Variants in SLC9A7 observed in about 807,000 individuals in gnomAD.
SLC9A7 encodes sodium/hydrogen exchanger 7.
Under a neutral mutation model 52.6 loss-of-function variants are expected in SLC9A7, and 19 were observed. That is an observed-to-expected ratio of 0.36 (90% CI 0.25 to 0.53). The LOEUF (loss-of-function observed/expected upper bound fraction) is 0.53, where lower values mean the gene tolerates loss of function less well. SLC9A7 is among the 20% of genes least tolerant of loss of function. SLC9A7 has a pLI of 0.91. For missense variants in SLC9A7, 455 were observed against 597.9 expected (o/e 0.76, Z 2.49); for synonymous variants, 226 against 252.1 (o/e 0.90, Z 0.98).
At chrX:46,686,422 T>G (rs1944296625) in intron 1 of SLC9A7, among the ~76,000 whole-genome samples, 1 of 111,992 alleles carries the variant, frequency 8.9e-6, no homozygotes, top group Non-Finnish European at 1.9e-5. Context: ...TGATATTAAG[T>G]TCATATTTGG....
At chrX:46,705,728 C>T (rs1944594538) in intron 1 of SLC9A7, among the ~76,000 whole-genome samples, 2 of 111,546 alleles carry the variant, frequency 1.8e-5, no homozygotes, top group African/African-American at 6.5e-5. Flanking sequence ...TCCATCTACT[C>T]GGGAGACCGA....
At chrX:46,688,228 T>C (rs1944326370) in intron 1 of SLC9A7, among the ~76,000 whole-genome samples, 1 of 111,906 alleles carries the variant, frequency 8.9e-6, no homozygotes, top group South Asian at 3.7e-4. Flanking sequence ...TAAATCTATG[T>C]TTAATATTTT....
At chrX:46,608,070 C>G (rs5906246) in intron 16 of SLC9A7, among the ~76,000 whole-genome samples, 27,744 of 111,598 alleles carry the variant, frequency 0.25, 2,718 homozygotes, top group Middle Eastern at 0.37. Context: ...TGAGACAGAG[C>G]CTCCAGGGCG....
chrX:46,744,841 T>C (rs765831988), intron 1 of SLC9A7, among the ~76,000 whole-genome samples: 7 of 111,455 alleles, frequency 6.3e-5, no homozygotes, highest in Non-Finnish European at 9.4e-5. Context: ...CACAGAAACA[T>C]TGAAGAACAA....
chrX:46,644,839 G>A (rs1206066323), intron 11 of SLC9A7, among the ~76,000 whole-genome samples: 1 of 111,587 alleles, frequency 9.0e-6, no homozygotes, highest in Non-Finnish European at 1.9e-5. Flanking sequence ...CTAAAGAAGA[G>A]TGACATCAAT....
chrX:46,702,022 A>G (rs1233037397), intron 1 of SLC9A7, among the ~76,000 whole-genome samples: 1 of 111,315 alleles, frequency 9.0e-6, no homozygotes, highest in Non-Finnish European at 1.9e-5. Context: ...TTAGAGTAGT[A>G]TTACAGATAT....
At chrX:46,708,529 C>CAA (rs1248029701) in intron 1 of SLC9A7, among the ~76,000 whole-genome samples, 1 of 85,239 alleles carries the variant, frequency 1.2e-5, no homozygotes, top group African/African-American at 4.3e-5. Flanking sequence ...GACTCCGTCT[C>CAA]AAAAAAAAAA....
Position 46,602,679 on chromosome X carries a change from A to G in SLC9A7, c.*4273T>C, listed in dbSNP as rs1332401869. The G allele has an allele frequency of 1.8e-5, 2 of 112,989 alleles. No individual in the cohort carries two copies. The highest frequency in any genetic ancestry group is 6.4e-5 in the African/African-American group (2 of 31,190). 9.3% of individuals were successfully genotyped at this position (112,989 alleles called of 1,213,427 possible). A position where few individuals can be genotyped will look rare whatever the true frequency, so the allele number is the denominator to read the frequency against. Reference sequence around the variant, plus strand: ...CCACCAACCCAGAACAAATACGTGTATAAGATGGACTTGGGTTTACTCTCT... The same window carrying G: ...CCACCAACCCAGAACAAATACGTGTGTAAGATGGACTTGGGTTTACTCTCT... On this transcript the variant is annotated 3_prime_UTR_variant, in exon 17 of 17. Coordinates refer to ENST00000616978, the MANE Select transcript of SLC9A7 (RefSeq NM_001257291.2).
At chrX:46,625,649 G>T (rs1286349074) in intron 14 of SLC9A7, among the ~76,000 whole-genome samples, 2 of 105,434 alleles carry the variant, frequency 1.9e-5, no homozygotes, top group African/African-American at 7.0e-5. Context: ...GGTGGAGGTT[G>T]CAGTGAGCTG....
At chrX:46,665,183 G>GCA (rs1943896691) in intron 5 of SLC9A7, among the ~76,000 whole-genome samples, 1 of 110,669 alleles carries the variant, frequency 9.0e-6, no homozygotes, top group Non-Finnish European at 1.9e-5. Context: ...CTTGAAATCA[G>GCA]GGTGAGCAGG....
chrX:46,636,377 G>A (rs1318510019), intron 12 of SLC9A7, among the ~76,000 whole-genome samples: 1 of 110,606 alleles, frequency 9.0e-6, no homozygotes, highest in Non-Finnish European at 1.9e-5. Context: ...GTGGTGACCC[G>A]CATGGTGCAC....
At chrX:46,743,826 T>C (rs1459549821) in intron 1 of SLC9A7, among the ~76,000 whole-genome samples, 1 of 111,184 alleles carries the variant, frequency 9.0e-6, no homozygotes, top group Non-Finnish European at 1.9e-5. Flanking sequence ...TGGCCTCCCC[T>C]AGAATCCCAA....
intron 3 of SLC9A7, among the ~76,000 whole-genome samples, chrX:46,675,238 T>TGA (rs1944100385): frequency 1.8e-5 from 2 of 110,323 alleles, no homozygotes; most frequent in Non-Finnish European, 3.8e-5. Flanking sequence ...GAGAACTTTT[T>TGA]CAAGTCAGAA....
At chrX:46,712,863 G>A (rs1944711417) in intron 1 of SLC9A7, among the ~76,000 whole-genome samples, 2 of 111,609 alleles carry the variant, frequency 1.8e-5, no homozygotes, top group African/African-American at 6.5e-5. Context: ...GGTATACTCA[G>A]GCTATTTTGT....
At chrX:46,637,579 C>T (rs1483420187) in intron 12 of SLC9A7, among the ~76,000 whole-genome samples, 2 of 111,312 alleles carry the variant, frequency 1.8e-5, no homozygotes, top group Non-Finnish European at 3.8e-5. Flanking sequence ...GTTCCACCGC[C>T]CCCCCAACCC....
rs933213287 is a variant in SLC9A7 at position 46,605,839 on chromosome X, T to C, written c.*1113A>G. The C allele has an allele frequency of 2.7e-5, 3 of 111,777 alleles. No individual in the cohort carries two copies. The highest frequency in any genetic ancestry group is 5.6e-5 in the Non-Finnish European group (3 of 53,175). The allele number at this position is 111,777 out of a possible 1,213,427, so 9.2% of individuals were successfully genotyped here. A position where few individuals can be genotyped will look rare whatever the true frequency, so the allele number is the denominator to read the frequency against. ...TCCTAGTGATTATTTCCCTAGGCTG[T>C]CAGCTCATATGGTAGCCCTCAAAAG... is the stretch of plus-strand genomic sequence containing the variant. On this transcript the variant is annotated 3_prime_UTR_variant, in exon 17 of 17. Transcript: ENST00000616978.
At chrX:46,653,971 G>A (rs758888479) in intron 7 of SLC9A7, among the ~76,000 whole-genome samples, 2 of 111,378 alleles carry the variant, frequency 1.8e-5, no homozygotes, top group East Asian at 2.8e-4. Context: ...CTTCTGTTTC[G>A]GATGATGAAA....
chrX:46,618,440 T>A (rs1942988169), intron 15 of SLC9A7, among the ~76,000 whole-genome samples: 2 of 110,891 alleles, frequency 1.8e-5, no homozygotes, highest in Non-Finnish European at 3.8e-5. Flanking sequence ...ATCTCTAGAT[T>A]TTTTTTCTAG....
intron 1 of SLC9A7, among the ~76,000 whole-genome samples, chrX:46,706,643 GTGT>G (rs34648974): frequency 0.3 from 32,809 of 109,609 alleles, 3,843 homozygotes; most frequent in South Asian, 0.43. Context: ...CTCCCCATCA[GTGT>G]TGTTTCTTCT....
Sources: gnomAD v4.1 joint callset for allele counts (sites outside exome capture counted in the v4.1 genomes callset) on GRCh38, gnomAD v4.1.1 for gene constraint, MANE v1.5 for transcripts, NCBI Gene and HGNC (gene_info 2026-07-23, HGNC 2026-07-21) for gene names.